The following TOP1 variants were observed in gnomAD, a reference collection of about 807,000 sequenced individuals.
TOP1 encodes the protein DNA topoisomerase I, also known as DNA topoisomerase 1.
TOP1 carries 10 observed loss-of-function variants against 111.1 expected under a neutral mutation model. The ratio of observed to expected loss-of-function variants is 0.09; its 90% confidence interval spans 0.06 to 0.15. TOP1 has a LOEUF of 0.15. Among genes scored for constraint, TOP1 ranks in the 10% least tolerant of loss-of-function variants. TOP1 has a pLI of 1.00. For synonymous variants in TOP1, 271 were observed against 302.9 expected (o/e 0.89, Z 1.10); for missense variants, 474 against 926.7 (o/e 0.51, Z 6.34).
rs1248850531 is a variant in TOP1, at chr20:41,028,887, G to A, written c.-181G>A. 7.0e-6 allele frequency: 4 copies of A among 567,682 alleles called. No individual in the cohort carries two copies. The highest frequency in any genetic ancestry group is 6.8e-5 in the East Asian group (2 of 29,242). 35.2% of individuals were successfully genotyped at this position (567,682 alleles called of 1,614,324 possible). On this transcript the variant is annotated 5_prime_UTR_variant, in exon 1 of 21. Transcript: ENST00000361337. The stretch of plus-strand genomic sequence containing the variant: ...TTCTCGCCGCCCGCCCGGCAGTCAG[G>A]CAGCGTCGCCGCCGTGGTAGCAGCC...
intron 18 of TOP1, among the ~76,000 whole-genome samples, chr20:41,120,068 G>A (rs1403609554): frequency 6.6e-6 from 1 of 152,220 alleles, no homozygotes; most frequent in Non-Finnish European, 1.5e-5. Flanking sequence ...TGCCCACAAA[G>A]CAAACACACG....
chr20:41,042,652 G>A (rs1009094940), intron 2 of TOP1, among the ~76,000 whole-genome samples: 1 of 152,140 alleles, frequency 6.6e-6, no homozygotes, highest in African/African-American at 2.4e-5. Flanking sequence ...TATAGTTGAC[G>A]CTTGAACAAC....
intron 8 of TOP1, among the ~76,000 whole-genome samples, chr20:41,089,463 C>T (rs769438191): frequency 6.6e-6 from 1 of 152,186 alleles, no homozygotes; most frequent in East Asian, 1.9e-4. Flanking sequence ...TGTCAACGCT[C>T]GTCCATATTG....
At chr20:41,089,656 G>A (rs2033894813) in intron 8 of TOP1, among the ~76,000 whole-genome samples, 4 of 152,160 alleles carry the variant, frequency 2.6e-5, no homozygotes, top group Admixed American at 2.0e-4. Flanking sequence ...TATATTCCTG[G>A]GAATGGAATT....
At position 41,034,347 on chromosome 20, in the gene TOP1, C is replaced by T. The variant is rs2033158203; in HGVS notation, c.58+4892C>T. Among the ~76,000 whole-genome samples, 1 of 152,158 alleles carries T rather than the reference C, an allele frequency of 6.6e-6. No homozygotes were observed. Among genetic ancestry groups the T allele is most frequent in the Admixed American group, 6.5e-5 (1 of 15,276 alleles). ...GCTTTCCATCCCCATGGCTCCAGGC[C>T]AATAGCTGCAGTAGAAAATCTAAAA... On this transcript the variant is annotated intron_variant, in intron 2 of 20. Transcript: ENST00000361337. The surrounding 1 kb of genome is among the most constrained non-coding windows in gnomAD (Gnocchi z 4.0).
Position 41,097,380 on chromosome 20 carries a change from A to G in TOP1, c.852+39A>G, listed in dbSNP as rs369542598. On this transcript the variant is annotated intron_variant, in intron 10 of 20. Coordinates refer to ENST00000361337, the MANE Select transcript of TOP1 (RefSeq NM_003286.4). This position sits in a 1 kb window ranked among gnomAD's most constrained non-coding sequence, Gnocchi z 4.2. Reference sequence around the variant, plus strand: ...TGTGTTAATATCCTAGTACCTTGCAAAACAATCAAGTACTAAGTAATAAAT... The same window carrying G: ...TGTGTTAATATCCTAGTACCTTGCAGAACAATCAAGTACTAAGTAATAAAT... The G allele has an allele frequency of 2.8e-4, 434 of 1,558,396 alleles. No individual in the cohort carries two copies. In the African/African-American group the frequency reaches 5.6e-3, roughly 20 times the overall value.
In TOP1 at chr20:41,082,086, C is replaced by T. The variant is rs986092840; in HGVS notation, c.507+846C>T. On this transcript the variant is annotated intron_variant, in intron 7 of 20. Coordinates refer to ENST00000361337, the MANE Select transcript of TOP1 (RefSeq NM_003286.4). The surrounding 1 kb of genome is among the most constrained non-coding windows in gnomAD (Gnocchi z 4.1). Reference sequence around the variant, plus strand: ...TTCACAGGGGTCTTAATGATGCCCTCCCCTAAGACAAGAAGGGGTTGGGTG... The same window carrying T: ...TTCACAGGGGTCTTAATGATGCCCTTCCCTAAGACAAGAAGGGGTTGGGTG... Among the ~76,000 whole-genome samples the T allele has an allele frequency of 1.3e-5, 2 of 152,152 alleles. No homozygotes were observed. Among genetic ancestry groups the T allele is most frequent in the Non-Finnish European group, 2.9e-5 (2 of 68,026 alleles).
At chr20:41,089,604 G>T (rs761246206) in intron 8 of TOP1, among the ~76,000 whole-genome samples, 1 of 152,212 alleles carries the variant, frequency 6.6e-6, no homozygotes, top group Non-Finnish European at 1.5e-5. Context: ...AGATAGTGCT[G>T]CTGTGAAACA....
intron 3 of TOP1, among the ~76,000 whole-genome samples, chr20:41,064,896 TTTTG>T (rs531146190): frequency 1.6e-4 from 24 of 151,922 alleles, no homozygotes; most frequent in African/African-American, 2.9e-4. Flanking sequence ...GGGGCTGGTT[TTTTG>T]TTTGTTTGTT....
rs193176834 is a variant in TOP1 at position 41,065,047 on chromosome 20, G to T, written c.155+3557G>T. On this transcript the variant is annotated intron_variant, in intron 3 of 20. Transcript: ENST00000361337. ...TGCCTCCCAAGTAGCTGGGATTAAG[G>T]TGCGTGCCCCGACACCCAGCTAATT... 3.5e-4 allele frequency among the ~76,000 whole-genome samples: 54 copies of T among 152,162 alleles called. 1 individual carries two copies. The East Asian group carries it at 4.8e-3, about 14-fold the overall frequency.
At chr20:41,041,665 A>C (rs1197238273) in intron 2 of TOP1, among the ~76,000 whole-genome samples, 3 of 151,892 alleles carry the variant, frequency 2.0e-5, no homozygotes, top group Non-Finnish European at 4.4e-5. Flanking sequence ...ACATATTCCT[A>C]CTCGTACACC....
rs878939266 is a variant in TOP1, at chr20:41,124,205, G to C, written c.*908G>C. Reference sequence around the variant, plus strand: ...AGTTTCACAGGTCAATAAACTTAGAGGAAAATGAGTATTTGGTCCAAAAAA... The same window carrying C: ...AGTTTCACAGGTCAATAAACTTAGACGAAAATGAGTATTTGGTCCAAAAAA... On this transcript the variant is annotated 3_prime_UTR_variant, in exon 21 of 21. Coordinates refer to ENST00000361337, the MANE Select transcript of TOP1 (RefSeq NM_003286.4). This position sits in a 1 kb window ranked among gnomAD's most constrained non-coding sequence, Gnocchi z 5.4. 8.6e-6 allele frequency: 2 copies of C among 232,506 alleles called. No homozygotes were observed. Among genetic ancestry groups the C allele is most frequent in the Admixed American group, 1.1e-4 (2 of 17,758 alleles). 14.4% of individuals were successfully genotyped at this position (232,506 alleles called of 1,614,324 possible).
chr20:41,044,830 A>AT (rs2033313608), intron 2 of TOP1, among the ~76,000 whole-genome samples: 1 of 152,178 alleles, frequency 6.6e-6, no homozygotes, highest in Admixed American at 6.6e-5. Flanking sequence ...TTGCTCTGTC[A>AT]TTCAGGCTGG....
At position 41,063,111 on chromosome 20, in the gene TOP1, T is replaced by A. The variant is rs546527846; in HGVS notation, c.155+1621T>A. ...TACCGCCCTCTCTGCTCTAGTAGTC[T>A]CCAGTGTCTATTATTGCCATCTTTA... On this transcript the variant is annotated intron_variant, in intron 3 of 20. Coordinates refer to ENST00000361337, the MANE Select transcript of TOP1 (RefSeq NM_003286.4). Among the ~76,000 whole-genome samples, 14 of 152,282 alleles carry A rather than the reference T, an allele frequency of 9.2e-5. No individual in the cohort carries two copies. In the South Asian group the frequency reaches 2.9e-3, roughly 32 times the overall value.
chr20:41,108,823 A>C (rs1437520153), intron 13 of TOP1, among the ~76,000 whole-genome samples: 2 of 152,236 alleles, frequency 1.3e-5, no homozygotes, highest in Non-Finnish European at 2.9e-5. Context: ...AGGAGTTTAC[A>C]AAAAGGCTGC....
rs899547298 is a variant in TOP1 at position 41,100,480 on chromosome 20, A to G, written c.1163+237A>G. Reference sequence around the variant, plus strand: ...CTGCAACTTCGACCCAATTGCTGTCACTTGGAACACATTTCTGTTGATGTC... The same window carrying G: ...CTGCAACTTCGACCCAATTGCTGTCGCTTGGAACACATTTCTGTTGATGTC... On this transcript the variant is annotated intron_variant, in intron 12 of 20. Coordinates refer to ENST00000361337, the MANE Select transcript of TOP1 (RefSeq NM_003286.4). This position sits in a 1 kb window ranked among gnomAD's most constrained non-coding sequence, Gnocchi z 4.4. Among the ~76,000 whole-genome samples, 2 of 152,228 alleles carry G rather than the reference A, an allele frequency of 1.3e-5. No individual in the cohort carries two copies. The highest frequency in any genetic ancestry group is 4.8e-5 in the African/African-American group (2 of 41,444).
chr20:41,088,570 G>A (rs2033875876), intron 8 of TOP1, among the ~76,000 whole-genome samples: 1 of 152,124 alleles, frequency 6.6e-6, no homozygotes, highest in South Asian at 2.1e-4. Flanking sequence ...CCCAGGATAA[G>A]GGAAAGGGTG....
intron 2 of TOP1, among the ~76,000 whole-genome samples, chr20:41,044,793 T>TGA (rs138421052): frequency 0.012 from 1,781 of 149,684 alleles, 17 homozygotes; most frequent in African/African-American, 0.026. Flanking sequence ...TGTGTGTGAG[T>TGA]GAGAGAGAGA....
chr20:41,029,506 T>TCCCCCCCC lies in TOP1; in HGVS notation c.58+56_58+57insCCCCCCCC. ...CGGGGCCCCCCAGCCGCCGGCCGCC[T>TCCCCCCCC]CCCCCGCGCCCTGCCGGTGCCGGGC... On this transcript the variant is annotated intron_variant, in intron 2 of 20. Coordinates refer to ENST00000361337, the MANE Select transcript of TOP1 (RefSeq NM_003286.4). The surrounding 1 kb of genome is among the most constrained non-coding windows in gnomAD (Gnocchi z 6.1). The TCCCCCCCC allele has an allele frequency of 6.8e-7, 1 of 1,472,188 alleles. No individual in the cohort carries two copies. Among genetic ancestry groups the TCCCCCCCC allele is most frequent in the African/African-American group, 1.4e-5 (1 of 69,902 alleles). The allele number at this position is 1,472,188 out of a possible 1,614,324, so 91.2% of individuals were successfully genotyped here.
Sources: allele counts gnomAD v4.1 joint callset (sites outside exome capture counted in the v4.1 genomes callset), GRCh38; gene constraint gnomAD v4.1.1; non-coding constraint Gnocchi (gnomAD v3.1); transcripts MANE v1.5; gene names NCBI Gene and HGNC (gene_info 2026-07-23, HGNC 2026-07-21).